The following DDC variants were observed in gnomAD, a reference collection of about 807,000 sequenced individuals.
DDC encodes dopa decarboxylase, also known as aromatic-L-amino-acid decarboxylase.
Under a neutral mutation model 60.0 loss-of-function variants are expected in DDC, and 43 were observed. The observed-to-expected ratio is 0.72, with a 90% CI of 0.56 to 0.92. The LOEUF is 0.92. DDC is among the 40% of genes least tolerant of loss of function. The pLI is 0.00. For synonymous variants in DDC, 232 were observed against 234.6 expected (o/e 0.99, Z 0.10); for missense variants, 573 against 620.2 (o/e 0.92, Z 0.81).
chr7:50,492,841 C>G (rs1243014922), intron 9 of DDC: 1 of 1,541,594 alleles, frequency 6.5e-7, no homozygotes, highest in African/African-American at 1.4e-5. Context: ...GAGATGAGCG[C>G]ACAGCCGCCA....
intron 6 of DDC, among the ~76,000 whole-genome samples, chr7:50,525,415 C>G (rs1041824164): frequency 6.6e-6 from 1 of 152,138 alleles, no homozygotes. Context: ...AGGGTTAGTA[C>G]GCAGAATTTC....
chr7:50,469,434 A>G (rs1470563543), intron 12 of DDC, among the ~76,000 whole-genome samples: 1 of 152,078 alleles, frequency 6.6e-6, no homozygotes, highest in Non-Finnish European at 1.5e-5. Flanking sequence ...ACTAGGGAAT[A>G]TCTATCTTAT....
intron 9 of DDC, 63 bp from the exon 10 acceptor site, chr7:50,479,926 C>T: frequency 1.5e-6 from 2 of 1,304,356 alleles, no homozygotes; most frequent in South Asian, 1.2e-5. Context: ...CCACCTCTCC[C>T]CTCTCCCCAC....
intron 6 of DDC, among the ~76,000 whole-genome samples, chr7:50,512,790 T>C (rs557727436): frequency 9.2e-5 from 14 of 152,268 alleles, no homozygotes; most frequent in South Asian, 2.1e-4. Flanking sequence ...AGTGCCTTTT[T>C]CCCCCCTTAT....
chr7:50,562,506 G>A (rs2045364854), intron 1 of DDC, among the ~76,000 whole-genome samples: 1 of 152,238 alleles, frequency 6.6e-6, no homozygotes. Context: ...GGAGGTCTGT[G>A]GGAGGGGACA....
chr7:50,513,161 C>G (rs141842463), intron 6 of DDC, among the ~76,000 whole-genome samples: 1 of 152,314 alleles, frequency 6.6e-6, no homozygotes, highest in African/African-American at 2.4e-5. Context: ...TGTGAGTGCC[C>G]CAGCTGCAGA....
intron 13 of DDC, among the ~76,000 whole-genome samples, chr7:50,464,473 T>C (rs1585131569): frequency 6.6e-6 from 1 of 151,850 alleles, no homozygotes; most frequent in Admixed American, 6.6e-5. Context: ...GACTCAAGGA[T>C]GAGGATAGAG....
intron 2 of DDC, chr7:50,542,098 A>G (rs773370966): frequency 6.6e-6 from 1 of 152,206 alleles, no homozygotes; most frequent in African/African-American, 2.4e-5. Flanking sequence ...GGCCCACGAC[A>G]CTGTTAGGGG....
intron 1 of DDC, among the ~76,000 whole-genome samples, chr7:50,544,880 T>C (rs527548189): frequency 6.6e-6 from 1 of 152,366 alleles, no homozygotes; most frequent in South Asian, 2.1e-4. Flanking sequence ...AAACTTTTCA[T>C]GTGTTTTTAA....
intron 1 of DDC, among the ~76,000 whole-genome samples, chr7:50,557,613 T>C (rs1197627771): frequency 6.6e-6 from 1 of 152,244 alleles, no homozygotes; most frequent in African/African-American, 2.4e-5. Flanking sequence ...TATTAAGGGC[T>C]GCTGAGTGGG....
intron 6 of DDC, among the ~76,000 whole-genome samples, chr7:50,510,391 G>A (rs188619191): frequency 2.4e-4 from 36 of 152,158 alleles, no homozygotes; most frequent in African/African-American, 6.0e-4. Flanking sequence ...TAAGTAGGCC[G>A]GGTGCTGTGG....
rs760646534 is a variant in DDC, at chr7:50,528,164, G to A, written c.687C>T (p.Asp229=). The change falls in exon 6 of 15, where the codon GAC becomes GAT. Residue 229 remains aspartate, a synonymous_variant. Coordinates refer to ENST00000444124, the MANE Select transcript of DDC (RefSeq NM_001082971.2). ...ASALQEALER[D]KAAGLIPFFM... Reference sequence around the variant, plus strand: ...AGAAAGGAATCAGGCCAGCCGCTTTGTCTCTCTCCAGGGCTTCCTGCAGGG... The same window carrying A: ...AGAAAGGAATCAGGCCAGCCGCTTTATCTCTCTCCAGGGCTTCCTGCAGGG... 1.2e-5 allele frequency: 20 copies of A among 1,613,418 alleles called. No individual in the cohort carries two copies. The Admixed American group carries it at 2.7e-4, about 22-fold the overall frequency.
chr7:50,546,692 A>G (rs986211132), intron 1 of DDC, among the ~76,000 whole-genome samples: 1 of 152,228 alleles, frequency 6.6e-6, no homozygotes, highest in African/African-American at 2.4e-5. Flanking sequence ...GAACAGTTAC[A>G]GAAGTTTTTA....
chr7:50,538,119 G>T, intron 3 of DDC, 140 bp from the exon 4 acceptor site: 1 of 1,065,946 alleles, frequency 9.4e-7, no homozygotes, highest in South Asian at 1.4e-5. Context: ...AAGGCCTGAA[G>T]GCTGTTTGAC....
Position 50,543,868 on chromosome 7 carries a change from C to T in DDC, c.201+17G>A. 1 of 1,613,074 alleles carries T rather than the reference C, an allele frequency of 6.2e-7. No individual in the cohort carries two copies. The highest frequency in any genetic ancestry group is 8.5e-7 in the Non-Finnish European group (1 of 1,179,228). On this transcript the variant is annotated intron_variant, in intron 2 of 14. Coordinates refer to ENST00000444124, the MANE Select transcript of DDC (RefSeq NM_001082971.2). ...AGTTCTAGCCCTCCTGTTTTCTGACCTTGGATACACACTTACCCCAGGCAT... is the reference window on the plus strand; with the variant it reads ...AGTTCTAGCCCTCCTGTTTTCTGACTTTGGATACACACTTACCCCAGGCAT...
intron 4 of DDC, among the ~76,000 whole-genome samples, chr7:50,536,709 T>A (rs911687282): frequency 2.6e-5 from 4 of 152,222 alleles, no homozygotes; most frequent in Non-Finnish European, 5.9e-5. Flanking sequence ...TGTCACAACA[T>A]CAATAGAAAC....
intron 1 of DDC, among the ~76,000 whole-genome samples, chr7:50,563,166 CAAAA>C (rs11306685): frequency 4.3e-5 from 5 of 115,120 alleles, no homozygotes; most frequent in Admixed American, 8.6e-5. Context: ...GACTCCATCT[CAAAA>C]AAAAAAAAAA....
At chr7:50,489,174 T>G (rs1447909837) in intron 9 of DDC, among the ~76,000 whole-genome samples, 2 of 152,122 alleles carry the variant, frequency 1.3e-5, no homozygotes, top group Non-Finnish European at 2.9e-5. Flanking sequence ...ACCTGGCTAA[T>G]TTTTGTATTT....
chr7:50,476,923 T>A (rs1242003843), intron 10 of DDC, among the ~76,000 whole-genome samples: 1 of 152,248 alleles, frequency 6.6e-6, no homozygotes, highest in African/African-American at 2.4e-5. Flanking sequence ...CATGAACATC[T>A]GAGGTTTCAT....
Sources: allele counts gnomAD v4.1 joint callset (sites outside exome capture counted in the v4.1 genomes callset), GRCh38; gene constraint gnomAD v4.1.1; transcripts MANE v1.5; gene names NCBI Gene and HGNC (gene_info 2026-07-23, HGNC 2026-07-21).